The following BORA variants were observed in gnomAD, a reference collection of about 807,000 sequenced individuals.
The protein encoded by BORA is protein aurora borealis.
A neutral mutation model predicts 55.8 loss-of-function variants in BORA; 26 were observed. The ratio of observed to expected loss-of-function variants is 0.47; its 90% CI spans 0.34 to 0.65. The LOEUF is 0.65. Ranked by LOEUF, BORA falls within the 30% of genes least tolerant of loss-of-function variation. The probability of loss-of-function intolerance (pLI) is 0.01; values close to 1 mark genes in which losing one functional copy is unlikely to be tolerated. For missense variants in BORA, 568 were observed against 671.5 expected, an observed-to-expected ratio of 0.85 and a Z score of 1.70; for synonymous variants, 201 against 216.9, an observed-to-expected ratio of 0.93 and a Z score of 0.64.
In BORA at chr13:72,756,082, T is replaced by C; in HGVS notation, c.*866T>C. ...AAAAAACTTATATCCATGTTGGGAGTAGATGGGTATATAACAGTTTGGAAA... is the reference window on the plus strand; with the variant it reads ...AAAAAACTTATATCCATGTTGGGAGCAGATGGGTATATAACAGTTTGGAAA... On this transcript the variant is annotated 3_prime_UTR_variant, in exon 12 of 12. Coordinates refer to ENST00000390667, the MANE Select transcript of BORA (RefSeq NM_024808.5). 2 of 397,088 alleles carry C rather than the reference T, an allele frequency of 5.0e-6. No homozygotes were observed. Among genetic ancestry groups the C allele is most frequent in the Non-Finnish European group, 8.9e-6 (2 of 225,602 alleles). The allele number at this position is 397,088 out of a possible 1,614,324, so 24.6% of individuals were successfully genotyped here. A position where few individuals can be genotyped will look rare whatever the true frequency, so the allele number is the denominator to read the frequency against.
At chr13:72,737,761 G>T (rs930222981) in intron 4 of BORA, among the ~76,000 whole-genome samples, 2 of 151,990 alleles carry the variant, frequency 1.3e-5, no homozygotes, top group South Asian at 2.1e-4. Flanking sequence ...AAATTTAACT[G>T]GTTGATTTGA....
intron 1 of BORA, among the ~76,000 whole-genome samples, chr13:72,728,653 A>G (rs1480840708): frequency 1.3e-5 from 2 of 152,150 alleles, no homozygotes; most frequent in African/African-American, 4.8e-5. Context: ...TTCATATTTG[A>G]TTGCTGCGTA....
At chr13:72,753,324 A>C (rs891726234) in intron 10 of BORA, 6 of 166,764 alleles carry the variant, frequency 3.6e-5, no homozygotes, top group Non-Finnish European at 6.5e-5. Flanking sequence ...AGCATGCCTC[A>C]AGCCATTTAG....
intron 10 of BORA, among the ~76,000 whole-genome samples, chr13:72,749,186 G>A (rs2033213608): frequency 6.6e-6 from 1 of 152,196 alleles, no homozygotes; most frequent in Admixed American, 6.5e-5. Flanking sequence ...GTCCTTCAGA[G>A]TTTGAAGGCA....
At chr13:72,731,741 A>T (rs1330590307) in intron 3 of BORA, among the ~76,000 whole-genome samples, 4 of 152,178 alleles carry the variant, frequency 2.6e-5, no homozygotes, top group African/African-American at 7.2e-5. Flanking sequence ...TGTCTTTTTG[A>T]TGATTTGGGG....
intron 10 of BORA, among the ~76,000 whole-genome samples, chr13:72,749,843 C>G (rs1051434413): frequency 6.6e-6 from 1 of 152,160 alleles, no homozygotes; most frequent in Non-Finnish European, 1.5e-5. Flanking sequence ...ATTACATCCT[C>G]AAGCCTTCCC....
chr13:72,748,595 T>C (rs1278193664), intron 10 of BORA, among the ~76,000 whole-genome samples: 2 of 152,200 alleles, frequency 1.3e-5, no homozygotes, highest in African/African-American at 2.4e-5. Context: ...CAAAAAAGAT[T>C]ATACTAGAAT....
chr13:72,748,097 C>G (rs1372003), intron 10 of BORA, among the ~76,000 whole-genome samples: 57,337 of 151,970 alleles, frequency 0.38, 12,077 homozygotes, highest in Middle Eastern at 0.55. Flanking sequence ...GCAATAACAT[C>G]TAACACTAAC....
rs1400869614 is a variant in BORA, at chr13:72,755,135, GTCT to G, written c.1615-11_1615-9del. ...CTACTTAAACTGAAAACAAGGTATT[GTCT>G]TCTTTTTCACAGCAAGACCACACAA... On this transcript the variant is annotated splice_polypyrimidine_tract_variant and intron_variant, in intron 11 of 11. Coordinates refer to ENST00000390667, the MANE Select transcript of BORA (RefSeq NM_024808.5). 1 of 1,612,154 alleles carries G rather than the reference GTCT, an allele frequency of 6.2e-7. No individual in the cohort carries two copies. The highest frequency in any genetic ancestry group is 8.5e-7 in the Non-Finnish European group (1 of 1,178,688).
chr13:72,748,568 C>CT (rs766016117), intron 10 of BORA, among the ~76,000 whole-genome samples: 4 of 152,164 alleles, frequency 2.6e-5, no homozygotes, highest in Non-Finnish European at 4.4e-5. Flanking sequence ...CCTATCCTGA[C>CT]TTACAGCTTC....
chr13:72,740,646 C>G (rs973313453), intron 5 of BORA, among the ~76,000 whole-genome samples: 1 of 152,174 alleles, frequency 6.6e-6, no homozygotes, highest in African/African-American at 2.4e-5. Context: ...TAAGCCTTTA[C>G]TGACCACACA....
intron 8 of BORA, among the ~76,000 whole-genome samples, 172 bp from the exon 9 acceptor site, chr13:72,745,772 G>C (rs4885038): frequency 0.28 from 42,804 of 152,034 alleles, 7,487 homozygotes; most frequent in East Asian, 0.53. Context: ...TACTATTTCA[G>C]AATTTTTGTA....
At chr13:72,752,556 G>C (rs976411798) in intron 10 of BORA, 3 of 152,210 alleles carry the variant, frequency 2.0e-5, no homozygotes, top group Admixed American at 2.0e-4. Flanking sequence ...ATTTGGCAGT[G>C]ATGAATATTA....
intron 5 of BORA, among the ~76,000 whole-genome samples, chr13:72,742,986 A>G (rs1312662256): frequency 6.6e-6 from 1 of 152,170 alleles, no homozygotes; most frequent in Non-Finnish European, 1.5e-5. Context: ...AGTAGAGAAT[A>G]GAGTGGTGGT....
At chr13:72,747,205 C>T in intron 10 of BORA, 94 bp downstream of exon 10, 1 of 1,326,952 alleles carries the variant, frequency 7.5e-7, no homozygotes. Context: ...ATGGATTAAA[C>T]ATGAGGACTA....
rs754900642 is a variant in BORA, at chr13:72,731,342, A to T, written c.215A>T (p.Asp72Val). 1 of 1,612,464 alleles carries T rather than the reference A, an allele frequency of 6.2e-7. No individual in the cohort carries two copies. Among genetic ancestry groups the T allele is most frequent in the Non-Finnish European group, 8.5e-7 (1 of 1,179,116 alleles). Residue 72 changes from aspartate (D) to valine (V), a missense_variant, in exon 3 of 12, where the codon GAC (aspartate) becomes GTC (valine). By Grantham distance (152) the Asp-to-Val change is radical. Transcript: ENST00000390667. Reference protein sequence around the residue: ...QLAVINPVEIDPEDIHRQALY... With the variant: ...QLAVINPVEIVPEDIHRQALY... Reference sequence around the variant, plus strand: ...GCTGTAATAAATCCTGTAGAAATAGACCCAGAAGATATTCATCGTCAAGCT... The same window carrying T: ...GCTGTAATAAATCCTGTAGAAATAGTCCCAGAAGATATTCATCGTCAAGCT...
chr13:72,744,241 A>G (rs1441313738), intron 6 of BORA, among the ~76,000 whole-genome samples: 4 of 152,242 alleles, frequency 2.6e-5, no homozygotes, highest in Non-Finnish European at 4.4e-5. Context: ...CCCCAGATAT[A>G]GGCTGGCTTC....
In BORA at chr13:72,755,750, T is replaced by G. The variant is rs1162806696; in HGVS notation, c.*534T>G. ...GTCTGTTCACCTCTGTGGGGAAAATTCTTAGTTCCAGTGATAACTGTTCTA... is the reference window on the plus strand; with the variant it reads ...GTCTGTTCACCTCTGTGGGGAAAATGCTTAGTTCCAGTGATAACTGTTCTA... On this transcript the variant is annotated 3_prime_UTR_variant, in exon 12 of 12. Transcript: ENST00000390667. 7.5e-6 allele frequency: 3 copies of G among 397,394 alleles called. No individual in the cohort carries two copies. Among genetic ancestry groups the G allele is most frequent in the African/African-American group, 6.2e-5 (3 of 48,618 alleles). 24.6% of individuals were successfully genotyped at this position (397,394 alleles called of 1,614,324 possible).
chr13:72,752,113 A>G (rs1157294262), intron 10 of BORA: 2 of 152,186 alleles, frequency 1.3e-5, no homozygotes, highest in African/African-American at 4.8e-5. Context: ...ACATAGAGAC[A>G]CCATTTAAAG....
Sources: allele counts gnomAD v4.1 joint callset (sites outside exome capture counted in the v4.1 genomes callset), GRCh38; gene constraint gnomAD v4.1.1; transcripts MANE v1.5; gene names NCBI Gene and HGNC (gene_info 2026-07-23, HGNC 2026-07-21).